The following GABRG1 variants were observed in gnomAD, a reference collection of about 807,000 sequenced individuals.
GABRG1 encodes the protein gamma-aminobutyric acid receptor subunit gamma-1.
In GABRG1, 49 loss-of-function variants were observed where a neutral mutation model predicts 49.8. The observed-to-expected ratio is 0.98, with a 90% confidence interval of 0.78 to 1.25. The LOEUF (loss-of-function observed/expected upper bound fraction) is 1.25, where lower values mean the gene tolerates loss of function less well. GABRG1 is among the 50% of genes most tolerant of loss of function. The pLI, the probability that GABRG1 is intolerant of heterozygous loss-of-function variation, is 0.00. For synonymous variants in GABRG1, 232 were observed against 185.1 expected (o/e 1.25, Z -2.06); for missense variants, 552 against 552.3 (o/e 1.00, Z 0.01).
At chr4:46,080,556 AGGTTACAAGTGTGTAATTTGCTCCACTGG>A (rs1295667999) in intron 3 of GABRG1, among the ~76,000 whole-genome samples, 4 of 151,794 alleles carry the variant, frequency 2.6e-5, no homozygotes, top group African/African-American at 4.8e-5. Context: ...TCACTGTTGA[AGGTTACAAGTGTGTAATTTGCTCCACTGG>A]GGAAACTAAA....
chr4:46,053,778 C>T (rs973321497), intron 7 of GABRG1, among the ~76,000 whole-genome samples: 3 of 151,968 alleles, frequency 2.0e-5, no homozygotes, highest in African/African-American at 7.2e-5. Context: ...CTAAGCAGAA[C>T]TTTGCTTTCA....
chr4:46,042,016 ATACT>A (rs750175589), intron 8 of GABRG1, among the ~76,000 whole-genome samples: 45 of 152,050 alleles, frequency 3.0e-4, no homozygotes, highest in Non-Finnish European at 5.3e-4. Context: ...ATTTTGAATA[ATACT>A]TAAATAATTA....
intron 8 of GABRG1, among the ~76,000 whole-genome samples, chr4:46,047,018 C>A (rs192804431): frequency 2.6e-5 from 4 of 152,164 alleles, no homozygotes; most frequent in East Asian, 1.9e-4. Flanking sequence ...GAAAATGTTT[C>A]TTTCCTACTT....
At chr4:46,058,146 A>G in intron 7 of GABRG1, 71 bp downstream of exon 7, 1 of 1,417,296 alleles carries the variant, frequency 7.1e-7, no homozygotes, top group Non-Finnish European at 9.6e-7. Context: ...AAATGTGACT[A>G]TGAACTTTTA....
intron 1 of GABRG1, among the ~76,000 whole-genome samples, chr4:46,111,718 T>A (rs556921812): frequency 1.3e-4 from 20 of 151,152 alleles, no homozygotes; most frequent in African/African-American, 4.8e-4. Context: ...TTCAACAAAT[T>A]TGGCAAAAAT....
intron 1 of GABRG1, among the ~76,000 whole-genome samples, chr4:46,102,914 C>T (rs1007257106): frequency 6.6e-6 from 1 of 151,532 alleles, no homozygotes; most frequent in African/African-American, 2.4e-5. Flanking sequence ...ATGCCTATAG[C>T]AAGTCAGTCA....
At chr4:46,087,370 C>T (rs1719810060) in intron 2 of GABRG1, among the ~76,000 whole-genome samples, 1 of 151,420 alleles carries the variant, frequency 6.6e-6, no homozygotes, top group South Asian at 2.1e-4. Context: ...ATTATTGTGT[C>T]ATGCTTATAT....
chr4:46,076,909 T>A (rs1222913136), intron 3 of GABRG1, among the ~76,000 whole-genome samples: 1 of 151,660 alleles, frequency 6.6e-6, no homozygotes, highest in Non-Finnish European at 1.5e-5. Context: ...ATATATAGCC[T>A]GAAGAAATAA....
At chr4:46,056,674 A>G (rs965921688) in intron 7 of GABRG1, among the ~76,000 whole-genome samples, 2 of 152,094 alleles carry the variant, frequency 1.3e-5, no homozygotes, top group Non-Finnish European at 2.9e-5. Context: ...CACTGTTAAC[A>G]CTAAAGCACC....
intron 8 of GABRG1, among the ~76,000 whole-genome samples, chr4:46,047,307 C>T (rs534254891): frequency 5.9e-5 from 9 of 152,164 alleles, no homozygotes; most frequent in Non-Finnish European, 1.5e-5. Context: ...GACATAGTTC[C>T]CTCTATCTTA....
chr4:46,041,603 C>G (rs1013326821), intron 8 of GABRG1, among the ~76,000 whole-genome samples: 3 of 151,738 alleles, frequency 2.0e-5, no homozygotes, highest in Non-Finnish European at 4.4e-5. Flanking sequence ...CTATACACAT[C>G]TTTTTTTGCT....
At chr4:46,096,682 G>A (rs1720173215) in intron 2 of GABRG1, among the ~76,000 whole-genome samples, 1 of 151,292 alleles carries the variant, frequency 6.6e-6, no homozygotes, top group Admixed American at 6.6e-5. Flanking sequence ...AAATAGAAGA[G>A]AAGGTAACCA....
chr4:46,102,267 C>T (rs1720405134), intron 1 of GABRG1, among the ~76,000 whole-genome samples: 1 of 151,624 alleles, frequency 6.6e-6, no homozygotes, highest in Admixed American at 6.6e-5. Context: ...AGCCCTGAGT[C>T]TGCACCAGAC....
chr4:46,036,707 A>G lies in GABRG1; in HGVS notation c.*4281T>C, dbSNP rs1196830371. 6.6e-6 allele frequency: 1 copy of G among 151,970 alleles called. No homozygotes were observed. The highest frequency in any genetic ancestry group is 1.5e-5 in the Non-Finnish European group (1 of 67,896). The allele number at this position is 151,970 out of a possible 1,614,324, so 9.4% of individuals were successfully genotyped here. A position where few individuals can be genotyped will look rare whatever the true frequency, so the allele number is the denominator to read the frequency against. On this transcript the variant is annotated 3_prime_UTR_variant, in exon 9 of 9. Transcript: ENST00000295452. Reference sequence around the variant, plus strand: ...TCACAAGAGTACGGATTTCATCCTCATATTAGCCACTATAAGCTTATACGC... The same window carrying G: ...TCACAAGAGTACGGATTTCATCCTCGTATTAGCCACTATAAGCTTATACGC...
At chr4:46,069,480 G>C (rs1007161674) in intron 3 of GABRG1, among the ~76,000 whole-genome samples, 3 of 152,028 alleles carry the variant, frequency 2.0e-5, no homozygotes, top group African/African-American at 7.2e-5. Context: ...AGCAGGAAGA[G>C]GTAAATACAA....
chr4:46,088,239 C>T (rs567066790), intron 2 of GABRG1, among the ~76,000 whole-genome samples: 1 of 152,112 alleles, frequency 6.6e-6, no homozygotes, highest in East Asian at 1.9e-4. Context: ...GGATGAAGTG[C>T]TTGAACTTCA....
Position 46,113,784 on chromosome 4 carries a change from G to A in GABRG1, c.104+10026C>T, listed in dbSNP as rs1720792244. On this transcript the variant is annotated intron_variant, in intron 1 of 8. Transcript: ENST00000295452. ...TCTAGAACAGCATCTGTCACACACA[G>A]GGTTTCAATGAATATTCTTTAGTAA... Among the ~76,000 whole-genome samples, 3 of 151,052 alleles carry A rather than the reference G, an allele frequency of 2.0e-5. No individual in the cohort carries two copies. The Admixed American group carries it at 2.0e-4, about 10-fold the overall frequency.
intron 1 of GABRG1, among the ~76,000 whole-genome samples, chr4:46,115,040 C>T (rs1036800291): frequency 3.3e-5 from 5 of 150,612 alleles, no homozygotes; most frequent in African/African-American, 9.7e-5. Context: ...ATTTTTGATG[C>T]ATTTAATACA....
intron 1 of GABRG1, among the ~76,000 whole-genome samples, chr4:46,101,139 A>T (rs1471567941): frequency 6.6e-6 from 1 of 151,566 alleles, no homozygotes; most frequent in African/African-American, 2.4e-5. Flanking sequence ...ATGATTTTTT[A>T]AAAATAATAC....
Sources: gnomAD v4.1 joint callset for allele counts (sites outside exome capture counted in the v4.1 genomes callset) on GRCh38, gnomAD v4.1.1 for gene constraint, MANE v1.5 for transcripts, NCBI Gene and HGNC (gene_info 2026-07-23, HGNC 2026-07-21) for gene names.